AP1B1: variants seen among roughly 807,000 people sequenced by gnomAD.
The protein encoded by AP1B1 is adaptor related protein complex 1 subunit beta 1.
Under a neutral mutation model 104.3 loss-of-function variants are expected in AP1B1, and 36 were observed. That is an observed-to-expected ratio of 0.35 (90% confidence interval 0.26 to 0.46). The LOEUF (loss-of-function observed/expected upper bound fraction) is 0.46, where lower values mean the gene tolerates loss of function less well. Ranked by LOEUF, AP1B1 falls within the 20% of genes least tolerant of loss-of-function variation. The pLI, the probability that AP1B1 is intolerant of heterozygous loss-of-function variation, is 1.00. For missense variants in AP1B1, 901 were observed against 1,247.9 expected (o/e 0.72, Z 4.19); for synonymous variants, 504 against 517.5 (o/e 0.97, Z 0.35).
intron 22 of AP1B1, 48 bp downstream of exon 22, chr22:29,329,664 G>C: frequency 6.2e-7 from 1 of 1,612,572 alleles, no homozygotes; most frequent in Non-Finnish European, 8.5e-7. Flanking sequence ...CATGACAGGA[G>C]ACAAGACTGG....
Position 29,330,603 on chromosome 22 carries a change from C to T in AP1B1, c.2611+20G>A, listed in dbSNP as rs929202604. 1.5e-5 allele frequency: 24 copies of T among 1,613,410 alleles called. No individual in the cohort carries two copies. The highest frequency in any genetic ancestry group is 2.2e-5 in the East Asian group (1 of 44,896). ...CTGGGTACAGGCGAGGGGCTGGGGTCGGGGGCTCGGAGTCCTCACCTGCAT... is the reference window on the plus strand; with the variant it reads ...CTGGGTACAGGCGAGGGGCTGGGGTTGGGGGCTCGGAGTCCTCACCTGCAT... On this transcript the variant is annotated intron_variant, in intron 20 of 22. Transcript: ENST00000357586.
chr22:29,377,313 T>C (rs948308474), intron 1 of AP1B1, among the ~76,000 whole-genome samples: 2 of 150,960 alleles, frequency 1.3e-5, no homozygotes, highest in African/African-American at 4.9e-5. Context: ...GAGTCAGCAG[T>C]AGAAAAACCA....
intron 17 of AP1B1, 140 bp from the exon 18 acceptor site, chr22:29,332,056 T>A: frequency 2.4e-6 from 2 of 844,488 alleles, no homozygotes; most frequent in Non-Finnish European, 3.5e-6. Context: ...TTCTGGACCC[T>A]GGACAGAAGG....
At chr22:29,331,957 G>A (rs921042268) in intron 17 of AP1B1, 41 bp from the exon 18 acceptor site, 4 of 1,578,162 alleles carry the variant, frequency 2.5e-6, no homozygotes, top group African/African-American at 1.3e-5. Flanking sequence ...AGGGGGAGTA[G>A]GTGCTGATGC....
intron 3 of AP1B1, among the ~76,000 whole-genome samples, chr22:29,361,793 C>A (rs139239196): frequency 1.3e-5 from 2 of 151,576 alleles, no homozygotes; most frequent in East Asian, 1.9e-4. Flanking sequence ...GAAGGCAGAC[C>A]TTGAATGTTT....
rs190665191 is a variant in AP1B1 at position 29,358,732 on chromosome 22, G to T, written c.519C>A (p.Asn173Lys). 6.2e-7 allele frequency: 1 copy of T among 1,612,082 alleles called. No individual in the cohort carries two copies. The highest frequency in any genetic ancestry group is 2.2e-5 in the East Asian group (1 of 44,832). Residue 173 changes from asparagine (N) to lysine (K), a missense_variant, in exon 5 of 23, where the codon AAC (asparagine) becomes AAA (lysine). Physicochemically the swap from Asn to Lys is moderately conservative, Grantham distance 94. Transcript: ENST00000357586. ...DTLKDLISDSNPMVVANAVAA... is the reference protein window; with the variant it reads ...DTLKDLISDSKPMVVANAVAA... ...GTGGGTGGCAGTGGCTTACCATGGG[G>T]TTAGAGTCGGAGATGAGGTCTTTAA...
At position 29,370,466 on chromosome 22, in the gene AP1B1, A is replaced by AAAAAGAAAGAAAG. The variant is rs532561379; in HGVS notation, c.-27-3197_-27-3196insCTTTCTTTCTTTT. The AAAAAGAAAGAAAG allele has an allele frequency of 1.7e-4, 26 of 149,984 alleles. No individual in the cohort carries two copies. The South Asian group carries it at 4.5e-3, about 26-fold the overall frequency. 9.3% of individuals were successfully genotyped at this position (149,984 alleles called of 1,614,324 possible). ...AGACTCAGTCTCAAAAAAAAAAAAA[A>AAAAAGAAAGAAAG]AAAGAAAGAAAGAAAGAAAGAAAAG... is the stretch of plus-strand genomic sequence containing the variant. On this transcript the variant is annotated intron_variant, in intron 1 of 22. Coordinates refer to ENST00000357586, the MANE Select transcript of AP1B1 (RefSeq NM_001127.4).
chr22:29,329,352 A>T (rs1251910195), intron 22 of AP1B1: 1 of 1,204,378 alleles, frequency 8.3e-7, no homozygotes, highest in Non-Finnish European at 1.0e-6. Context: ...GGCACGGTAG[A>T]GACTTTGCCT....
At chr22:29,388,042 C>T (rs369387676) in intron 1 of AP1B1, among the ~76,000 whole-genome samples, 1 of 152,104 alleles carries the variant, frequency 6.6e-6, no homozygotes, top group East Asian at 1.9e-4. Flanking sequence ...CTTTTTCAAC[C>T]TTGGCAAAGA....
At chr22:29,337,846 C>T (rs1194374929) in intron 16 of AP1B1, among the ~76,000 whole-genome samples, 3 of 152,252 alleles carry the variant, frequency 2.0e-5, no homozygotes, top group East Asian at 1.9e-4. Flanking sequence ...CTCCCTGCCA[C>T]GGAATCCCCC....
chr22:29,341,371 G>C, intron 13 of AP1B1, 130 bp downstream of exon 13: 1 of 1,188,882 alleles, frequency 8.4e-7, no homozygotes, highest in Non-Finnish European at 1.2e-6. Context: ...ATAAATAGCT[G>C]ATAAAAGGTT....
intron 11 of AP1B1, among the ~76,000 whole-genome samples, chr22:29,346,794 T>TGC (rs1555927962): frequency 6.8e-6 from 1 of 147,586 alleles, no homozygotes; most frequent in African/African-American, 2.5e-5. Context: ...CAGGTGGCAG[T>TGC]GGGGGGGGGT....
At chr22:29,329,322 G>C in intron 22 of AP1B1, 8 of 1,167,494 alleles carry the variant, frequency 6.9e-6, no homozygotes, top group Non-Finnish European at 8.5e-6. Context: ...GCTCATTCCT[G>C]GTTTCCTGCG....
chr22:29,343,982 G>A (rs559494184), intron 11 of AP1B1, among the ~76,000 whole-genome samples: 1 of 151,990 alleles, frequency 6.6e-6, no homozygotes, highest in East Asian at 1.9e-4. Context: ...CTGGTGGCAG[G>A]TACCTGTAAT....
chr22:29,341,830 G>T, intron 12 of AP1B1, 70 bp from the exon 13 acceptor site: 1 of 1,526,110 alleles, frequency 6.6e-7, no homozygotes, highest in Non-Finnish European at 8.8e-7. Flanking sequence ...CCTTCCTGCA[G>T]CCATGAGCCA....
intron 1 of AP1B1, among the ~76,000 whole-genome samples, chr22:29,380,195 T>G (rs2062414821): frequency 6.6e-6 from 1 of 152,176 alleles, no homozygotes; most frequent in Non-Finnish European, 1.5e-5. Flanking sequence ...CCTCAAATGC[T>G]AGGATGCCAT....
intron 1 of AP1B1, among the ~76,000 whole-genome samples, chr22:29,369,684 C>T (rs371605420): frequency 1.3e-5 from 2 of 152,302 alleles, no homozygotes; most frequent in South Asian, 4.2e-4. Flanking sequence ...CTGGCCCAGG[C>T]CCGGCACATA....
At position 29,350,167 on chromosome 22, in the gene AP1B1, G is replaced by T. The variant is rs745656955; in HGVS notation, c.1156-17C>A. ...CGCAGATTGCTGCATGGGAAGAGAA[G>T]AGTGTGGGCGAGGTCCCCGCACCCC... On this transcript the variant is annotated splice_polypyrimidine_tract_variant and intron_variant, in intron 9 of 22. Transcript: ENST00000357586. 1.1e-5 allele frequency: 17 copies of T among 1,606,660 alleles called. No individual in the cohort carries two copies. The South Asian group carries it at 1.7e-4, about 16-fold the overall frequency.
At chr22:29,329,988 T>A (rs763049734) in intron 21 of AP1B1, 155 of 1,413,608 alleles carry the variant, frequency 1.1e-4, no homozygotes, top group Non-Finnish European at 1.4e-4. Flanking sequence ...CTAACAGGTC[T>A]ACCTCAAAGG....
Sources: allele counts gnomAD v4.1 joint callset (sites outside exome capture counted in the v4.1 genomes callset), GRCh38; gene constraint gnomAD v4.1.1; transcripts MANE v1.5; gene names NCBI Gene and HGNC (gene_info 2026-07-23, HGNC 2026-07-21).